LHFPL3: variants seen among roughly 807,000 people sequenced by gnomAD.
LHFPL3 encodes LHFPL tetraspan subfamily member 3, also known as LHFPL tetraspan subfamily member 3 protein.
LHFPL3 carries 5 observed loss-of-function variants against 19.3 expected under a neutral mutation model. The ratio of observed to expected loss-of-function variants is 0.26; its 90% confidence interval spans 0.14 to 0.54. LHFPL3 has a LOEUF of 0.54. Ranked by LOEUF, LHFPL3 falls within the 20% of genes least tolerant of loss-of-function variation. LHFPL3 has a pLI of 0.94. For synonymous variants in LHFPL3, 133 were observed against 126.2 expected (o/e 1.05, Z -0.36); for missense variants, 249 against 307.4 (o/e 0.81, Z 1.42).
In LHFPL3 at chr7:104,328,810, G is replaced by A. The variant is rs1353981058; in HGVS notation, c.31G>A (p.Ala11Thr). The change falls in exon 1 of 3, where the codon GCC (alanine) becomes ACC (threonine). Residue 11 changes from alanine to threonine, a missense_variant. Transcript: ENST00000424859. The surrounding 1 kb of genome is among the most constrained non-coding windows in gnomAD (Gnocchi z 4.6). The stretch of plus-strand genomic sequence containing the variant: ...CGGAGCCGCCGCCGCTGCCGCCGCC[G>A]CCGCCGCCGCGATGCTCCCGGCTCA... MPGAAAAAAA[A>T]AAAMLPAQEA... is the part of the protein sequence containing the mutation. The A allele has an allele frequency of 1.9e-6, 3 of 1,608,218 alleles. No homozygotes were observed. Among genetic ancestry groups the A allele is most frequent in the Admixed American group, 3.4e-5 (2 of 59,588 alleles).
At chr7:104,347,196 T>G (rs1191480716) in intron 1 of LHFPL3, among the ~76,000 whole-genome samples, 3 of 152,108 alleles carry the variant, frequency 2.0e-5, no homozygotes, top group East Asian at 3.9e-4. Flanking sequence ...AAGGACTTGG[T>G]AGATTGCTCT....
At chr7:104,352,929 G>A (rs1790206577) in intron 1 of LHFPL3, among the ~76,000 whole-genome samples, 1 of 152,158 alleles carries the variant, frequency 6.6e-6, no homozygotes, top group Non-Finnish European at 1.5e-5. Context: ...CTCGAAAGTT[G>A]GCAGCTGAGA....
chr7:104,343,512 C>CAAAAAAAAAAAAAAAAAAAAAAAA (rs536122769), intron 1 of LHFPL3, among the ~76,000 whole-genome samples: 1 of 47,474 alleles, frequency 2.1e-5, no homozygotes, highest in African/African-American at 7.5e-5. Context: ...GACTCTGTCT[C>CAAAAAAAAAAAAAAAAAAAAAAAA]AAAAAAAAAA....
chr7:104,480,149 G>T (rs138865801), intron 1 of LHFPL3, among the ~76,000 whole-genome samples: 1 of 152,186 alleles, frequency 6.6e-6, no homozygotes, highest in Non-Finnish European at 1.5e-5. Flanking sequence ...ACAGACCCCA[G>T]TGTGAATCCT....
At chr7:104,898,508 T>C (rs1457870851) in intron 2 of LHFPL3, among the ~76,000 whole-genome samples, 1 of 152,214 alleles carries the variant, frequency 6.6e-6, no homozygotes, top group Non-Finnish European at 1.5e-5. Flanking sequence ...CTTGTCTTTA[T>C]GACAGGTAGT....
At chr7:104,495,193 C>G (rs1486832118) in intron 1 of LHFPL3, among the ~76,000 whole-genome samples, 1 of 152,122 alleles carries the variant, frequency 6.6e-6, no homozygotes, top group African/African-American at 2.4e-5. Flanking sequence ...TCACTACCTT[C>G]TTTGGGCTTT....
intron 2 of LHFPL3, among the ~76,000 whole-genome samples, chr7:104,748,184 T>C (rs1033594906): frequency 2.6e-5 from 4 of 151,332 alleles, no homozygotes; most frequent in South Asian, 2.1e-4. Context: ...CACCACTCCC[T>C]AATCTCAAGT....
At chr7:104,791,819 T>C (rs1160114004) in intron 2 of LHFPL3, among the ~76,000 whole-genome samples, 2 of 152,146 alleles carry the variant, frequency 1.3e-5, no homozygotes, top group African/African-American at 2.4e-5. Flanking sequence ...AAGATGACTA[T>C]GTCTTGGTTC....
At chr7:104,656,661 A>T (rs970583535) in intron 1 of LHFPL3, among the ~76,000 whole-genome samples, 2 of 152,228 alleles carry the variant, frequency 1.3e-5, no homozygotes, top group Non-Finnish European at 2.9e-5. Flanking sequence ...TCCACAGCTC[A>T]TGACCACAAG....
chr7:104,906,559 T>C lies in LHFPL3; in HGVS notation c.*344T>C, dbSNP rs934188989. The C allele has an allele frequency of 1.5e-5, 4 of 260,990 alleles. No individual in the cohort carries two copies. Among genetic ancestry groups the C allele is most frequent in the Non-Finnish European group, 2.9e-5 (4 of 138,948 alleles). The allele number at this position is 260,990 out of a possible 1,614,324, so 16.2% of individuals were successfully genotyped here. ...GTTAACATGTAAAATATATACGTAC[T>C]GAGGTTTGTAAACTGTCCTTTTTAA... On this transcript the variant is annotated 3_prime_UTR_variant, in exon 3 of 3. Transcript: ENST00000424859.
At chr7:104,807,233 T>C (rs903014730) in intron 2 of LHFPL3, among the ~76,000 whole-genome samples, 16 of 151,976 alleles carry the variant, frequency 1.1e-4, no homozygotes, top group African/African-American at 3.9e-4. Flanking sequence ...GAGAGCACCA[T>C]GTGAAGATGA....
chr7:104,725,794 G>A (rs1793578580), intron 1 of LHFPL3, among the ~76,000 whole-genome samples: 1 of 152,168 alleles, frequency 6.6e-6, no homozygotes, highest in Non-Finnish European at 1.5e-5. Flanking sequence ...GCTTACGCCT[G>A]TAATCCCAGC....
intron 1 of LHFPL3, chr7:104,669,176 C>G (rs1440325820): frequency 6.2e-7 from 1 of 1,613,668 alleles, no homozygotes; most frequent in African/African-American, 1.3e-5. Context: ...GCCCCTCCAC[C>G]AAAGGAGAAT....
chr7:104,895,370 T>C (rs956641907), intron 2 of LHFPL3: 6 of 152,220 alleles, frequency 3.9e-5, no homozygotes, highest in Non-Finnish European at 8.8e-5. Flanking sequence ...GGCCAGATTA[T>C]CTTATCAGCT....
intron 1 of LHFPL3, among the ~76,000 whole-genome samples, chr7:104,525,257 A>G (rs1794164300): frequency 6.6e-6 from 1 of 152,246 alleles, no homozygotes; most frequent in African/African-American, 2.4e-5. Flanking sequence ...CTGTGTCTAC[A>G]TGTACTTATT....
At chr7:104,852,020 T>C (rs1791422534) in intron 2 of LHFPL3, among the ~76,000 whole-genome samples, 1 of 152,094 alleles carries the variant, frequency 6.6e-6, no homozygotes, top group Admixed American at 6.6e-5. Context: ...TCCATGCTTC[T>C]GTTACTTCCA....
chr7:104,635,617 C>G (rs1434166861), intron 1 of LHFPL3, among the ~76,000 whole-genome samples: 2 of 152,154 alleles, frequency 1.3e-5, no homozygotes, highest in African/African-American at 4.8e-5. Flanking sequence ...AAAACATTTT[C>G]AGACATGCAT....
chr7:104,562,221 C>A (rs1299600771), intron 1 of LHFPL3, among the ~76,000 whole-genome samples: 3 of 151,680 alleles, frequency 2.0e-5, no homozygotes, highest in African/African-American at 7.3e-5. Flanking sequence ...TGAATCTGAA[C>A]GTTGGCCTGC....
At chr7:104,460,623 G>A (rs1262560533) in intron 1 of LHFPL3, among the ~76,000 whole-genome samples, 1 of 151,992 alleles carries the variant, frequency 6.6e-6, no homozygotes, top group Admixed American at 6.6e-5. Flanking sequence ...TTTTTAATAT[G>A]ATTGTTGCCC....
Sources: gnomAD v4.1 joint callset for allele counts (sites outside exome capture counted in the v4.1 genomes callset) on GRCh38, gnomAD v4.1.1 for gene constraint, Gnocchi (gnomAD v3.1) non-coding constraint, MANE v1.5 for transcripts, NCBI Gene and HGNC (gene_info 2026-07-23, HGNC 2026-07-21) for gene names.